Variants in MARCKS observed in about 807,000 individuals in gnomAD.
The protein encoded by MARCKS is myristoylated alanine rich protein kinase C substrate, also known as myristoylated alanine-rich C-kinase substrate.
A neutral mutation model predicts 6.3 loss-of-function variants in MARCKS; 4 were observed. The ratio of observed to expected loss-of-function variants is 0.63; its 90% CI spans 0.31 to 1.45. The LOEUF is 1.45. Ranked by LOEUF, MARCKS falls within the 40% of genes most tolerant of loss-of-function variation. MARCKS has a pLI of 0.07. For synonymous variants in MARCKS, 289 were observed against 236.5 expected (o/e 1.22, Z -2.04); for missense variants, 636 against 485.7 (o/e 1.31, Z -2.91).
At position 113,860,358 on chromosome 6, in the gene MARCKS, G is replaced by A. The variant is rs1293807831; in HGVS notation, c.778G>A (p.Glu260Lys). The A allele has an allele frequency of 6.2e-6, 8 of 1,300,730 alleles. No individual in the cohort carries two copies. The highest frequency in any genetic ancestry group is 8.0e-6 in the Non-Finnish European group (8 of 998,502). The allele number at this position is 1,300,730 out of a possible 1,614,324, so 80.6% of individuals were successfully genotyped here. Residue 260 changes from glutamate to lysine, a missense_variant, in exon 2 of 2, where the codon GAG becomes AAG. Physicochemically the swap from Glu to Lys is moderately conservative, Grantham distance 56. Transcript: ENST00000612661. Reference sequence around the variant, plus strand: ...CAGCGACGAGACCAAGGCCGCCGAGGAGCCCAGCAAGGTGGAGGAGAAAAA... The same window carrying A: ...CAGCGACGAGACCAAGGCCGCCGAGAAGCCCAGCAAGGTGGAGGAGAAAAA... ...PASDETKAAE[E>K]PSKVEEKKAE... is the part of the protein sequence containing the mutation.
Position 113,857,676 on chromosome 6 carries a change from C to G in MARCKS, c.-70C>G. ...CCGCTGCTGCTGCTGCTCGCCCCGT[C>G]GTTACACCAACCCGAGGCTCTTTGT... is the stretch of plus-strand genomic sequence containing the variant. On this transcript the variant is annotated 5_prime_UTR_variant, in exon 1 of 2. Coordinates refer to ENST00000612661, the MANE Select transcript of MARCKS (RefSeq NM_002356.7). 3 of 1,118,866 alleles carry G rather than the reference C, an allele frequency of 2.7e-6. No homozygotes were observed. The highest frequency in any genetic ancestry group is 3.7e-6 in the Non-Finnish European group (3 of 809,504). The allele number at this position is 1,118,866 out of a possible 1,614,324, so 69.3% of individuals were successfully genotyped here.
In MARCKS at chr6:113,857,706, C is replaced by A; in HGVS notation, c.-40C>A. On this transcript the variant is annotated 5_prime_UTR_variant, in exon 1 of 2. Coordinates refer to ENST00000612661, the MANE Select transcript of MARCKS (RefSeq NM_002356.7). ...CACCAACCCGAGGCTCTTTGTTTCC[C>A]CTCTTGGATCTGTTGAGTTTCTTTG... 6.6e-7 allele frequency: 1 copy of A among 1,504,008 alleles called. No homozygotes were observed. Among genetic ancestry groups the A allele is most frequent in the Non-Finnish European group, 9.1e-7 (1 of 1,102,942 alleles). The allele number at this position is 1,504,008 out of a possible 1,614,324, so 93.2% of individuals were successfully genotyped here.
chr6:113,859,903 C>T lies in MARCKS; in HGVS notation c.323C>T (p.Pro108Leu). 1.4e-6 allele frequency: 2 copies of T among 1,447,222 alleles called. No homozygotes were observed. The highest frequency in any genetic ancestry group is 1.3e-5 in the South Asian group (1 of 76,854). The allele number at this position is 1,447,222 out of a possible 1,614,324, so 89.6% of individuals were successfully genotyped here. A position where few individuals can be genotyped will look rare whatever the true frequency, so the allele number is the denominator to read the frequency against. The change falls in exon 2 of 2, where the codon CCC (proline) becomes CTC (leucine). Residue 108 changes from proline (P) to leucine (L), a missense_variant. Pro to Leu is a moderately conservative substitution (Grantham distance 98). Transcript: ENST00000612661. ...GCCAGCCCGGTAGAGAAGGAGGCCC[C>T]CGCGGAAGGCGAGGCTGCCGAGCCC... The part of the protein sequence containing the change: ...AGASPVEKEA[P>L]AEGEAAEPGS...
In MARCKS at chr6:113,863,323, CTTGTACAGTTCAGTA is replaced by C. The variant is rs1420765309; in HGVS notation, c.*2749_*2763del. On this transcript the variant is annotated 3_prime_UTR_variant, in exon 2 of 2. Transcript: ENST00000612661. The stretch of plus-strand genomic sequence containing the variant: ...TGAGATTAAGGAAAAATAAATAACT[CTTGTACAGTTCAGTA>C]TTGTCTATTAAATCTGTATTGGCAG... 6.6e-6 allele frequency: 1 copy of C among 152,052 alleles called. No individual in the cohort carries two copies. Among genetic ancestry groups the C allele is most frequent in the African/African-American group, 2.4e-5 (1 of 41,402 alleles). The allele number at this position is 152,052 out of a possible 1,614,324, so 9.4% of individuals were successfully genotyped here. A position where few individuals can be genotyped will look rare whatever the true frequency, so the allele number is the denominator to read the frequency against.
chr6:113,860,244 G>A lies in MARCKS; in HGVS notation c.664G>A (p.Ala222Thr). The stretch of plus-strand genomic sequence containing the variant: ...GCAGGCAGCGGCGCCGGGCGAGGAG[G>A]CGGCAGCGGGCGAGGAGGGGGCGGC... ...GEQAAAPGEE[A>T]AAGEEGAAGG... The change falls in exon 2 of 2, where the codon GCG (alanine) becomes ACG (threonine). Residue 222 changes from alanine (A) to threonine (T), a missense_variant. Transcript: ENST00000612661. 2 of 1,081,652 alleles carry A rather than the reference G, an allele frequency of 1.8e-6. No homozygotes were observed. The highest frequency in any genetic ancestry group is 2.3e-6 in the Non-Finnish European group (2 of 887,414). The allele number at this position is 1,081,652 out of a possible 1,614,324, so 67.0% of individuals were successfully genotyped here. A position where few individuals can be genotyped will look rare whatever the true frequency, so the allele number is the denominator to read the frequency against.
chr6:113,859,694 C>T lies in MARCKS; in HGVS notation c.114C>T (p.His38=). 1 of 1,504,304 alleles carries T rather than the reference C, an allele frequency of 6.6e-7. No individual in the cohort carries two copies. Among genetic ancestry groups the T allele is most frequent in the Non-Finnish European group, 8.9e-7 (1 of 1,127,152 alleles). The allele number at this position is 1,504,304 out of a possible 1,614,324, so 93.2% of individuals were successfully genotyped here. A position where few individuals can be genotyped will look rare whatever the true frequency, so the allele number is the denominator to read the frequency against. ...PSKANGQENG[H]VKVNGDASPA... is the part of the protein sequence containing the mutation. ...TCTCTGCCCCTTAGGAGAATGGCCA[C>T]GTGAAGGTAAACGGCGACGCTTCGC... Residue 38 remains histidine, a synonymous_variant, in exon 2 of 2, where the codon CAC becomes CAT. Transcript: ENST00000612661.
At chr6:113,857,960 G>A in intron 1 of MARCKS, 113 bp downstream of exon 1, 3 of 920,636 alleles carry the variant, frequency 3.3e-6, no homozygotes, top group Non-Finnish European at 5.1e-6. Flanking sequence ...TAGTCTGAAA[G>A]TTGAATGGAA....
rs770341869 is a variant in MARCKS at position 113,860,195 on chromosome 6, C to G, written c.615C>G (p.Ala205=). The G allele has an allele frequency of 8.7e-7, 1 of 1,150,196 alleles. No individual in the cohort carries two copies. The highest frequency in any genetic ancestry group is 1.1e-6 in the Non-Finnish European group (1 of 931,398). The allele number at this position is 1,150,196 out of a possible 1,614,324, so 71.2% of individuals were successfully genotyped here. ...EAAGGAAAAA[A]EAGAASGEQA... is the part of the protein sequence containing the mutation. Reference sequence around the variant, plus strand: ...CCGGGGGCGCAGCTGCGGCCGCCGCCGAGGCGGGCGCGGCCTCCGGGGAGC... The same window carrying G: ...CCGGGGGCGCAGCTGCGGCCGCCGCGGAGGCGGGCGCGGCCTCCGGGGAGC... The change falls in exon 2 of 2, where the codon GCC becomes GCG. Residue 205 remains alanine, a synonymous_variant. Coordinates refer to ENST00000612661, the MANE Select transcript of MARCKS (RefSeq NM_002356.7).
At position 113,860,541 on chromosome 6, in the gene MARCKS, T is replaced by A; in HGVS notation, c.961T>A (p.Cys321Ser). The A allele has an allele frequency of 6.4e-7, 1 of 1,560,612 alleles. No individual in the cohort carries two copies. The highest frequency in any genetic ancestry group is 8.6e-7 in the Non-Finnish European group (1 of 1,157,564). Residue 321 changes from cysteine to serine, a missense_variant, in exon 2 of 2, where the codon TGC becomes AGC. Coordinates refer to ENST00000612661, the MANE Select transcript of MARCKS (RefSeq NM_002356.7). ...AAPSQEAQPE[C>S]SPEAPPAEAA... ...CCCCTCACAGGAGGCCCAGCCCGAG[T>A]GCAGTCCAGAAGCCCCCCCAGCGGA... is the stretch of plus-strand genomic sequence containing the variant.
chr6:113,857,816 T>C lies in MARCKS; in HGVS notation c.71T>C (p.Val24Ala), dbSNP rs1582438884. ...AAAERPGEAAVASSPSKANGQ... is the reference protein window; with the variant it reads ...AAAERPGEAAAASSPSKANGQ... ...GCGGAGAGGCCTGGGGAGGCGGCTGTGGCCTCGTCGCCTTCCAAAGCGAAC... is the reference window on the plus strand; with the variant it reads ...GCGGAGAGGCCTGGGGAGGCGGCTGCGGCCTCGTCGCCTTCCAAAGCGAAC... The change falls in exon 1 of 2, where the codon GTG becomes GCG. Residue 24 changes from valine to alanine, a missense_variant. By Grantham distance (64) the Val-to-Ala change is moderately conservative. Coordinates refer to ENST00000612661, the MANE Select transcript of MARCKS (RefSeq NM_002356.7). 1.2e-6 allele frequency: 2 copies of C among 1,606,596 alleles called. No individual in the cohort carries two copies. Among genetic ancestry groups the C allele is most frequent in the Non-Finnish European group, 1.7e-6 (2 of 1,176,964 alleles).
At position 113,859,988 on chromosome 6, in the gene MARCKS, C is replaced by T; in HGVS notation, c.408C>T (p.Pro136=). 6.4e-7 allele frequency: 1 copy of T among 1,554,674 alleles called. No individual in the cohort carries two copies. Among genetic ancestry groups the T allele is most frequent in the Non-Finnish European group, 8.6e-7 (1 of 1,157,430 alleles). ...CGGCCGCCTCCTCGACTTCTTCGCC[C>T]AAGGCCGAGGACGGGGCCACGCCCT... The part of the protein sequence containing the change: ...AASAASSTSS[P]KAEDGATPSP... The change falls in exon 2 of 2, where the codon CCC becomes CCT. Residue 136 remains proline, a synonymous_variant. Coordinates refer to ENST00000612661, the MANE Select transcript of MARCKS (RefSeq NM_002356.7).
intron 1 of MARCKS, 72 bp from the exon 2 acceptor site, chr6:113,859,611 G>C: frequency 7.5e-7 from 1 of 1,333,334 alleles, no homozygotes; most frequent in Non-Finnish European, 9.8e-7. Context: ...GGCACTCCCG[G>C]TCCAGGGCTG....
Position 113,859,430 on chromosome 6 carries a change from G to A in MARCKS, c.103-253G>A, listed in dbSNP as rs45622343. ...TCTTTAGGGCACTTGCTGAATGGCT[G>A]GGAGGCCATTGCCGTACTTGGGGGC... On this transcript the variant is annotated intron_variant, in intron 1 of 1. Transcript: ENST00000612661. Among the ~76,000 whole-genome samples, 1,254 of 152,300 alleles carry A rather than the reference G, an allele frequency of 8.2e-3. 4 individuals carry two copies. The highest frequency in any genetic ancestry group is 0.012 in the Non-Finnish European group (848 of 68,014).
At chr6:113,859,570 C>A (rs1049607734) in intron 1 of MARCKS, 113 bp from the exon 2 acceptor site, 1 of 952,940 alleles carries the variant, frequency 1.0e-6, no homozygotes, top group Non-Finnish European at 1.4e-6. Flanking sequence ...GGTGGGGTCT[C>A]GATGGCCACA....
chr6:113,860,032 C>CA lies in MARCKS; in HGVS notation c.452_453insA (p.Lys152GlufsTer32). On this transcript the variant is annotated frameshift_variant, in exon 2 of 2. Coordinates refer to ENST00000612661, the MANE Select transcript of MARCKS (RefSeq NM_002356.7). LOFTEE classifies it low-confidence loss of function (END_TRUNC). ...ACGCCCTCGCCCAGCAACGAGACCC[C>CA]GAAAAAAAAAAAGAAGCGCTTTTCC... The CA allele has an allele frequency of 1.3e-6, 2 of 1,564,664 alleles. No individual in the cohort carries two copies. Among genetic ancestry groups the CA allele is most frequent in the Admixed American group, 1.8e-5 (1 of 54,654 alleles).
rs748324461 is a variant in MARCKS at position 113,857,860 on chromosome 6, T to A, written c.102+13T>A. 1.3e-6 allele frequency: 2 copies of A among 1,574,872 alleles called. No homozygotes were observed. Among genetic ancestry groups the A allele is most frequent in the Admixed American group, 3.6e-5 (2 of 55,678 alleles). On this transcript the variant is annotated intron_variant, in intron 1 of 1. Transcript: ENST00000612661. ...AGCGAACGGACAGGTAAATTCTACC[T>A]GTGGTTGTGGTCATTTATTTCGTGT...
In MARCKS at chr6:113,860,350, C is replaced by T. The variant is rs1046093078; in HGVS notation, c.770C>T (p.Ala257Val). The T allele has an allele frequency of 1.1e-5, 14 of 1,306,154 alleles. No individual in the cohort carries two copies. In the African/African-American group the frequency reaches 1.1e-4, roughly 10 times the overall value. 80.9% of individuals were successfully genotyped at this position (1,306,154 alleles called of 1,614,324 possible). A position where few individuals can be genotyped will look rare whatever the true frequency, so the allele number is the denominator to read the frequency against. ...EKPPASDETK[A>V]AEEPSKVEEK... is the part of the protein sequence containing the mutation. ...CCGCCCGCCAGCGACGAGACCAAGG[C>T]CGCCGAGGAGCCCAGCAAGGTGGAG... Residue 257 changes from alanine to valine, a missense_variant, in exon 2 of 2, where the codon GCC becomes GTC. Coordinates refer to ENST00000612661, the MANE Select transcript of MARCKS (RefSeq NM_002356.7).
chr6:113,857,731 G>C lies in MARCKS; in HGVS notation c.-15G>C. Reference sequence around the variant, plus strand: ...CCTCTTGGATCTGTTGAGTTTCTTTGTTGAAGAAGCCAGCATGGGTGCCCA... The same window carrying C: ...CCTCTTGGATCTGTTGAGTTTCTTTCTTGAAGAAGCCAGCATGGGTGCCCA... On this transcript the variant is annotated 5_prime_UTR_variant, in exon 1 of 2. Transcript: ENST00000612661. 1 of 1,589,614 alleles carries C rather than the reference G, an allele frequency of 6.3e-7. No individual in the cohort carries two copies. The highest frequency in any genetic ancestry group is 8.6e-7 in the Non-Finnish European group (1 of 1,166,554).
Position 113,857,775 on chromosome 6 carries a change from G to A in MARCKS, c.30G>A (p.Ala10=), listed in dbSNP as rs1352406057. 2 of 1,609,274 alleles carry A rather than the reference G, an allele frequency of 1.2e-6. No individual in the cohort carries two copies. The highest frequency in any genetic ancestry group is 8.5e-7 in the Non-Finnish European group (1 of 1,178,036). Residue 10 remains alanine (A), a synonymous_variant, in exon 1 of 2, where the codon GCG becomes GCA. Transcript: ENST00000612661. MGAQFSKTA[A]KGEAAAERPG... is the part of the protein sequence containing the mutation. Reference sequence around the variant, plus strand: ...GTGCCCAGTTCTCCAAGACCGCAGCGAAGGGAGAAGCCGCCGCGGAGAGGC... The same window carrying A: ...GTGCCCAGTTCTCCAAGACCGCAGCAAAGGGAGAAGCCGCCGCGGAGAGGC...
Sources: gnomAD v4.1 joint callset for allele counts (sites outside exome capture counted in the v4.1 genomes callset) on GRCh38, gnomAD v4.1.1 for gene constraint, MANE v1.5 for transcripts, NCBI Gene and HGNC (gene_info 2026-07-23, HGNC 2026-07-21) for gene names.